PPP3CA: variants seen among roughly 807,000 people sequenced by gnomAD.
The protein encoded by PPP3CA is protein phosphatase 3 catalytic subunit alpha.
A neutral mutation model predicts 66.5 loss-of-function variants in PPP3CA; 14 were observed. The ratio of observed to expected loss-of-function variants is 0.21; its 90% CI spans 0.14 to 0.33. The LOEUF is 0.33. PPP3CA is among the 10% of genes least tolerant of loss of function. The pLI, the probability that PPP3CA is intolerant of heterozygous loss-of-function variation, is 1.00. For missense variants in PPP3CA, 317 were observed against 639.5 expected, an observed-to-expected ratio of 0.50 and a Z score of 5.44; for synonymous variants, 232 against 226.2, an observed-to-expected ratio of 1.03 and a Z score of -0.23.
chr4:101,107,841 CAAT>C (rs1721483566), intron 3 of PPP3CA, among the ~76,000 whole-genome samples: 1 of 152,082 alleles, frequency 6.6e-6, no homozygotes, highest in South Asian at 2.1e-4. Flanking sequence ...TGGTGTGAGA[CAAT>C]AATGTTGATT....
chr4:101,250,581 A>C (rs1578595040), intron 1 of PPP3CA, among the ~76,000 whole-genome samples: 2 of 152,174 alleles, frequency 1.3e-5, no homozygotes, highest in African/African-American at 4.8e-5. Flanking sequence ...CTTGTGATTC[A>C]AAATACATAT....
chr4:101,069,401 T>C (rs527673788), intron 8 of PPP3CA, among the ~76,000 whole-genome samples: 6 of 152,160 alleles, frequency 3.9e-5, no homozygotes, highest in South Asian at 2.1e-4. Context: ...TGGAAATACA[T>C]TCTCAACCTC....
chr4:101,178,459 C>A (rs888835757), intron 2 of PPP3CA, among the ~76,000 whole-genome samples: 3 of 152,056 alleles, frequency 2.0e-5, no homozygotes, highest in Non-Finnish European at 4.4e-5. Flanking sequence ...AAATCATGGT[C>A]ATACTGCCCC....
chr4:101,132,085 C>A (rs1044591050), intron 2 of PPP3CA, among the ~76,000 whole-genome samples: 1 of 152,166 alleles, frequency 6.6e-6, no homozygotes, highest in African/African-American at 2.4e-5. Flanking sequence ...ACCAGATTCT[C>A]TGGGACACAG....
intron 10 of PPP3CA, among the ~76,000 whole-genome samples, chr4:101,041,973 T>A (rs1727543232): frequency 6.6e-6 from 1 of 152,164 alleles, no homozygotes; most frequent in Admixed American, 6.5e-5. Context: ...TTTTGGTCTT[T>A]TATTATAATT....
chr4:101,165,526 T>C (rs1025621769), intron 2 of PPP3CA, among the ~76,000 whole-genome samples: 3 of 152,146 alleles, frequency 2.0e-5, no homozygotes, highest in Non-Finnish European at 2.9e-5. Context: ...TCTCAACTTA[T>C]ACAATTTTTA....
chr4:101,080,433 A>T (rs1235896846), intron 8 of PPP3CA, 99 bp downstream of exon 8: 1 of 539,508 alleles, frequency 1.9e-6, no homozygotes, highest in South Asian at 8.5e-5. Flanking sequence ...TTTAAAAAAA[A>T]AGACTGGTTA....
intron 1 of PPP3CA, among the ~76,000 whole-genome samples, chr4:101,338,719 C>G (rs751986876): frequency 1.3e-5 from 2 of 152,064 alleles, no homozygotes; most frequent in Admixed American, 1.3e-4. Context: ...AACTGAAGCT[C>G]GAAAGAAGAG....
At chr4:101,201,130 T>C (rs1724954218) in intron 1 of PPP3CA, among the ~76,000 whole-genome samples, 1 of 152,212 alleles carries the variant, frequency 6.6e-6, no homozygotes, top group Non-Finnish European at 1.5e-5. Context: ...GTTACTAAAA[T>C]TAATTCCAAC....
chr4:101,334,815 C>A (rs919108278), intron 1 of PPP3CA, among the ~76,000 whole-genome samples: 1 of 152,046 alleles, frequency 6.6e-6, no homozygotes, highest in African/African-American at 2.4e-5. Context: ...TTCTTCCCCC[C>A]AGAGATATAC....
In PPP3CA at chr4:101,036,172, TAAAC is replaced by T. The variant is rs1316103282; in HGVS notation, c.1242-3812_1242-3809del. Among the ~76,000 whole-genome samples the T allele has an allele frequency of 5.3e-5, 8 of 152,328 alleles. No individual in the cohort carries two copies. The East Asian group carries it at 1.3e-3, about 26-fold the overall frequency. ...GTGATAAAATTTTGGAGACTTGTGT[TAAAC>T]AGACTGTATTATAATAATTTCTTTA... is the stretch of plus-strand genomic sequence containing the variant. On this transcript the variant is annotated intron_variant, in intron 11 of 13. Transcript: ENST00000394854.
At chr4:101,195,267 CAAAA>C (rs11326830) in intron 2 of PPP3CA, among the ~76,000 whole-genome samples, 2 of 128,042 alleles carry the variant, frequency 1.6e-5, no homozygotes, top group Non-Finnish European at 1.7e-5. Flanking sequence ...AACTTCATCT[CAAAA>C]AAAAAAAAAA....
intron 10 of PPP3CA, among the ~76,000 whole-genome samples, chr4:101,043,253 TAAA>T (rs745803772): frequency 2.2e-4 from 34 of 152,136 alleles, no homozygotes; most frequent in Middle Eastern, 6.8e-3. Context: ...AGATTTCTGA[TAAA>T]AAACTTGTAA....
intron 8 of PPP3CA, among the ~76,000 whole-genome samples, chr4:101,073,480 T>C (rs567514355): frequency 1.3e-5 from 2 of 152,172 alleles, no homozygotes; most frequent in African/African-American, 4.8e-5. Context: ...TTTCACCATA[T>C]TGGCCAGGCT....
intron 2 of PPP3CA, among the ~76,000 whole-genome samples, chr4:101,111,479 G>C (rs763500243): frequency 2.6e-5 from 4 of 152,094 alleles, no homozygotes; most frequent in Non-Finnish European, 4.4e-5. Flanking sequence ...CAAGTGAGGG[G>C]CTAAGACATA....
chr4:101,139,696 GTTT>G (rs372257350), intron 2 of PPP3CA, among the ~76,000 whole-genome samples: 40 of 98,400 alleles, frequency 4.1e-4, no homozygotes, highest in African/African-American at 1.4e-3. Context: ...TTTTTTTTGT[GTTT>G]TTTTTTTTTT....
Position 101,099,742 on chromosome 4 carries a change from TATAAAA to T in PPP3CA, c.385-26_385-21del. ...CACACACTGAGAAAAATAAAAATAATATAAAAATAAATATTTTTCCTTAACACTTAT... is the reference window on the plus strand; with the variant it reads ...CACACACTGAGAAAAATAAAAATAATATAAATATTTTTCCTTAACACTTAT... On this transcript the variant is annotated intron_variant, in intron 3 of 13. Coordinates refer to ENST00000394854, the MANE Select transcript of PPP3CA (RefSeq NM_000944.5). The T allele has an allele frequency of 1.5e-6, 2 of 1,290,356 alleles. No homozygotes were observed. The highest frequency in any genetic ancestry group is 2.1e-6 in the Non-Finnish European group (2 of 957,538). 79.9% of individuals were successfully genotyped at this position (1,290,356 alleles called of 1,614,324 possible). A position where few individuals can be genotyped will look rare whatever the true frequency, so the allele number is the denominator to read the frequency against.
chr4:101,105,160 T>G (rs1025326225), intron 3 of PPP3CA, among the ~76,000 whole-genome samples: 10 of 151,392 alleles, frequency 6.6e-5, no homozygotes, highest in African/African-American at 2.4e-4. Flanking sequence ...CTTTTTTTCT[T>G]TTTTTTCCTT....
chr4:101,103,895 C>T lies in PPP3CA; in HGVS notation c.385-4173G>A, dbSNP rs528347936. On this transcript the variant is annotated intron_variant, in intron 3 of 13. Transcript: ENST00000394854. ...AGATTAGGTACTGTAATGCAATCAT[C>T]GGCAAGAGCAGTATTTGGTGTAAGA... 4.5e-4 allele frequency among the ~76,000 whole-genome samples: 69 copies of T among 152,308 alleles called. 1 individual carries two copies. The highest frequency in any genetic ancestry group is 2.1e-3 in the South Asian group (10 of 4,830).
Sources: allele counts gnomAD v4.1 joint callset (sites outside exome capture counted in the v4.1 genomes callset), GRCh38; gene constraint gnomAD v4.1.1; transcripts MANE v1.5; gene names NCBI Gene and HGNC (gene_info 2026-07-23, HGNC 2026-07-21).